Variants in PRR16 observed in about 807,000 individuals in gnomAD.
PRR16 encodes the protein proline rich 16.
In PRR16, 6 loss-of-function variants were observed where a neutral mutation model predicts 18.2. That is an observed-to-expected ratio of 0.33 (90% CI 0.18 to 0.65). The LOEUF is 0.65. Ranked by LOEUF, PRR16 falls within the 30% of genes least tolerant of loss-of-function variation. The pLI is 0.74. For missense variants in PRR16, 412 were observed against 376.6 expected (o/e 1.09, Z -0.78); for synonymous variants, 151 against 147.8 (o/e 1.02, Z -0.16).
intron 1 of PRR16, among the ~76,000 whole-genome samples, chr5:120,605,631 C>T (rs1451852609): frequency 6.6e-6 from 1 of 152,202 alleles, no homozygotes; most frequent in African/African-American, 2.4e-5. Flanking sequence ...CTGACTCCTT[C>T]CCATCTGTGT....
At chr5:120,739,202 A>C in the PRR16 span, among the ~76,000 whole-genome samples, 2 of 152,178 alleles carry the variant, frequency 1.3e-5, no homozygotes, top group African/African-American at 4.8e-5. Context: ...TGTAACAAGA[A>C]CAATCCTTTA....
chr5:120,598,179 C>G (rs549192353), intron 1 of PRR16, among the ~76,000 whole-genome samples: 13 of 151,890 alleles, frequency 8.6e-5, no homozygotes, highest in African/African-American at 3.1e-4. Flanking sequence ...GTATTTGGAA[C>G]TACTGGATTG....
At chr5:120,480,707 G>A (rs1749583430) in intron 1 of PRR16, among the ~76,000 whole-genome samples, 1 of 152,204 alleles carries the variant, frequency 6.6e-6, no homozygotes, top group Non-Finnish European at 1.5e-5. Context: ...GAACAGAGTT[G>A]CAGAGAGCAA....
chr5:120,627,509 G>A (rs548812050), intron 1 of PRR16, among the ~76,000 whole-genome samples: 113 of 152,078 alleles, frequency 7.4e-4, no homozygotes, highest in African/African-American at 2.5e-3. Flanking sequence ...TGTGCTTCAG[G>A]CATCTACCAA....
At chr5:120,689,264 C>T (rs1757182188), downstream of PRR16, among the ~76,000 whole-genome samples, 1 of 152,136 alleles carries the variant, frequency 6.6e-6, no homozygotes, top group African/African-American at 2.4e-5. Flanking sequence ...AATATTGCCA[C>T]ATTCACTGGA....
the PRR16 span, among the ~76,000 whole-genome samples, chr5:120,724,220 A>G: frequency 6.6e-6 from 1 of 152,088 alleles, no homozygotes; most frequent in Non-Finnish European, 1.5e-5. Context: ...AAATTTATTA[A>G]TTAATTTGGG....
intron 1 of PRR16, among the ~76,000 whole-genome samples, chr5:120,629,610 T>G (rs1412886248): frequency 4.6e-5 from 7 of 152,146 alleles, no homozygotes; most frequent in Non-Finnish European, 1.0e-4. Flanking sequence ...CAACATTGCT[T>G]CTTTAAATTT....
intron 1 of PRR16, among the ~76,000 whole-genome samples, chr5:120,534,702 C>G (rs1751659875): frequency 1.3e-5 from 2 of 152,148 alleles, no homozygotes; most frequent in Admixed American, 6.6e-5. Context: ...TCTAAAGATT[C>G]AGTGAATTTC....
At chr5:120,676,062 C>T (rs1222691078) in intron 1 of PRR16, among the ~76,000 whole-genome samples, 1 of 152,080 alleles carries the variant, frequency 6.6e-6, no homozygotes, top group East Asian at 1.9e-4. Context: ...ATATATCCTC[C>T]ATATTTACTT....
the PRR16 span, among the ~76,000 whole-genome samples, chr5:120,783,690 C>T: frequency 6.7e-6 from 1 of 149,702 alleles, no homozygotes; most frequent in Non-Finnish European, 1.5e-5. Context: ...CACCCATCAC[C>T]TAAAACATTT....
chr5:120,677,129 A>C (rs1006824310), intron 1 of PRR16, among the ~76,000 whole-genome samples: 52 of 152,236 alleles, frequency 3.4e-4, no homozygotes, highest in African/African-American at 1.2e-3. Context: ...GCAGAACACG[A>C]AGTTGTAGGC....
chr5:120,535,171 G>A (rs1473631510), intron 1 of PRR16, among the ~76,000 whole-genome samples: 2 of 151,826 alleles, frequency 1.3e-5, no homozygotes, highest in Non-Finnish European at 2.9e-5. Flanking sequence ...GAATAGCATT[G>A]CAGATTTTGG....
At position 120,537,712 on chromosome 5, in the gene PRR16, A is replaced by G. The variant is rs1299145559; in HGVS notation, c.159+73067A>G. ...ACAGCAAAAAATAAATTGTTTTTAA[A>G]CTTTCAAATAATTTTGTAGTCAGAG... On this transcript the variant is annotated intron_variant, in intron 1 of 1. Coordinates refer to ENST00000407149, the MANE Select transcript of PRR16 (RefSeq NM_001300783.2). 2.6e-5 allele frequency among the ~76,000 whole-genome samples: 4 copies of G among 152,118 alleles called. No individual in the cohort carries two copies. In the East Asian group the frequency reaches 7.7e-4, roughly 29 times the overall value.
intron 1 of PRR16, among the ~76,000 whole-genome samples, chr5:120,585,487 G>T (rs1214713080): frequency 6.6e-6 from 1 of 151,872 alleles, no homozygotes; most frequent in East Asian, 1.9e-4. Context: ...AGGCAAGGGG[G>T]CAAGTGCCTG....
intron 1 of PRR16, among the ~76,000 whole-genome samples, chr5:120,647,499 A>C (rs955154605): frequency 7.2e-5 from 11 of 152,062 alleles, no homozygotes; most frequent in African/African-American, 2.7e-4. Context: ...ATATAACAAA[A>C]AGTAAGGTTA....
chr5:120,557,530 A>G (rs1032980961), intron 1 of PRR16, among the ~76,000 whole-genome samples: 12 of 151,900 alleles, frequency 7.9e-5, no homozygotes, highest in African/African-American at 2.7e-4. Flanking sequence ...ATGAAAAAAT[A>G]TATGCATTAG....
intron 1 of PRR16, among the ~76,000 whole-genome samples, chr5:120,588,740 C>T (rs1753535043): frequency 6.6e-6 from 1 of 151,202 alleles, no homozygotes; most frequent in Non-Finnish European, 1.5e-5. Flanking sequence ...TTGGTTTTAG[C>T]TTTTTATTGT....
chr5:120,641,777 A>G (rs1234887275), intron 1 of PRR16, among the ~76,000 whole-genome samples: 1 of 152,112 alleles, frequency 6.6e-6, no homozygotes, highest in Non-Finnish European at 1.5e-5. Context: ...CTCCGTCTGC[A>G]GAGAGCGTTA....
At chr5:120,483,757 T>C (rs949237172) in intron 1 of PRR16, among the ~76,000 whole-genome samples, 5 of 152,136 alleles carry the variant, frequency 3.3e-5, no homozygotes, top group African/African-American at 1.2e-4. Flanking sequence ...AAATATTGTT[T>C]AGTTTATCAT....
Sources: allele counts gnomAD v4.1 joint callset (sites outside exome capture counted in the v4.1 genomes callset), GRCh38; gene constraint gnomAD v4.1.1; transcripts MANE v1.5; gene names NCBI Gene and HGNC (gene_info 2026-07-23, HGNC 2026-07-21).